RYR3: variants seen among roughly 807,000 people sequenced by gnomAD.
The protein encoded by RYR3 is ryanodine receptor 3, also known as brain ryanodine receptor-calcium release channel.
A neutral mutation model predicts 584.3 loss-of-function variants in RYR3; 207 were observed. That is an observed-to-expected ratio of 0.35 (90% confidence interval 0.32 to 0.40). RYR3 has a LOEUF of 0.40. Ranked by LOEUF, RYR3 falls within the 10% of genes least tolerant of loss-of-function variation. RYR3 has a pLI of 1.00. For missense variants in RYR3, 5,616 were observed against 6,089.2 expected (o/e 0.92, Z 2.59); for synonymous variants, 2,416 against 2,248.5 (o/e 1.07, Z -2.11).
chr15:33,397,209 A>G (rs1366890846), intron 1 of RYR3, among the ~76,000 whole-genome samples: 2 of 152,226 alleles, frequency 1.3e-5, no homozygotes, highest in East Asian at 3.9e-4. Flanking sequence ...AAGACCAGAG[A>G]CAGGAACTTT....
chr15:33,860,544 T>A, intron 100 of RYR3, 51 bp from the exon 101 acceptor site: 1 of 1,091,084 alleles, frequency 9.2e-7, no homozygotes, highest in Non-Finnish European at 1.3e-6. Flanking sequence ...ATCATTCCTC[T>A]ACCCCTGAAC....
intron 45 of RYR3, among the ~76,000 whole-genome samples, chr15:33,725,020 C>T (rs916252550): frequency 6.6e-6 from 1 of 151,984 alleles, no homozygotes; most frequent in African/African-American, 2.4e-5. Flanking sequence ...CTTTCCTGAT[C>T]ACCTCTCATC....
intron 16 of RYR3, among the ~76,000 whole-genome samples, chr15:33,591,119 G>C (rs1165800854): frequency 2.0e-5 from 3 of 152,064 alleles, no homozygotes; most frequent in Non-Finnish European, 4.4e-5. Flanking sequence ...TCCTTCAATA[G>C]CTCCTCACTT....
At chr15:33,730,225 C>T (rs1196577425) in intron 47 of RYR3, among the ~76,000 whole-genome samples, 6 of 151,778 alleles carry the variant, frequency 4.0e-5, no homozygotes, top group African/African-American at 1.2e-4. Context: ...ATGGGATCTC[C>T]CCAAGCTTCC....
At position 33,325,383 on chromosome 15, in the gene RYR3, C is replaced by T. The variant is rs1239167262; in HGVS notation, c.51+14287C>T. ...CTCATATCTAAAGATGAAGGGAAGA[C>T]ATTTTATTGACAGTTGAAGTTATTG... On this transcript the variant is annotated intron_variant, in intron 1 of 103. Transcript: ENST00000634891. Among the ~76,000 whole-genome samples, 6 of 152,312 alleles carry T rather than the reference C, an allele frequency of 3.9e-5. No individual in the cohort carries two copies. In the East Asian group the frequency reaches 1.2e-3, roughly 29 times the overall value.
chr15:33,666,932 A>G (rs1363537577), intron 36 of RYR3, among the ~76,000 whole-genome samples: 1 of 152,264 alleles, frequency 6.6e-6, no homozygotes, highest in Non-Finnish European at 1.5e-5. Flanking sequence ...TTTAGTAAAG[A>G]AATTCATTTT....
intron 43 of RYR3, among the ~76,000 whole-genome samples, chr15:33,711,189 A>T (rs1233953351): frequency 6.7e-6 from 1 of 149,194 alleles, no homozygotes; most frequent in Non-Finnish European, 1.5e-5. Context: ...TCATTTTCAC[A>T]TCTGAACATA....
intron 43 of RYR3, among the ~76,000 whole-genome samples, chr15:33,721,286 G>T (rs766461622): frequency 6.6e-6 from 1 of 152,184 alleles, no homozygotes; most frequent in Non-Finnish European, 1.5e-5. Flanking sequence ...AGTGAACGTG[G>T]AAACTGATGC....
chr15:33,435,631 C>G (rs1021440863), intron 1 of RYR3, among the ~76,000 whole-genome samples: 1 of 152,178 alleles, frequency 6.6e-6, no homozygotes, highest in Non-Finnish European at 1.5e-5. Flanking sequence ...GGTTCTTGCT[C>G]TTGCTAACTT....
intron 11 of RYR3, among the ~76,000 whole-genome samples, chr15:33,566,069 C>T (rs1352193273): frequency 1.3e-5 from 2 of 152,204 alleles, no homozygotes; most frequent in Non-Finnish European, 2.9e-5. Context: ...CCCAAGGTCA[C>T]ACGGCTGGTA....
At chr15:33,796,418 G>GC (rs1159965918) in intron 67 of RYR3, among the ~76,000 whole-genome samples, 7 of 151,934 alleles carry the variant, frequency 4.6e-5, no homozygotes, top group Admixed American at 4.6e-4. Context: ...ACAGGCGTGA[G>GC]CCACCGCGAC....
chr15:33,483,650 A>G (rs970307955), intron 2 of RYR3, among the ~76,000 whole-genome samples: 1 of 152,246 alleles, frequency 6.6e-6, no homozygotes, highest in Non-Finnish European at 1.5e-5. Context: ...GCCATTCCAG[A>G]AATAAGTAGC....
intron 58 of RYR3, among the ~76,000 whole-genome samples, chr15:33,755,392 G>C (rs371656591): frequency 6.6e-6 from 1 of 152,148 alleles, no homozygotes; most frequent in East Asian, 1.9e-4. Flanking sequence ...AGGCCGAGGC[G>C]GGCGGATCAT....
intron 64 of RYR3, among the ~76,000 whole-genome samples, chr15:33,774,237 CTGT>C (rs1417981486): frequency 6.6e-6 from 1 of 152,152 alleles, no homozygotes; most frequent in African/African-American, 2.4e-5. Flanking sequence ...GCCTTGTGTT[CTGT>C]TGTTGTTCTG....
chr15:33,813,016 G>T, intron 73 of RYR3, 22 bp downstream of exon 73: 1 of 1,613,702 alleles, frequency 6.2e-7, no homozygotes, highest in Non-Finnish European at 8.5e-7. Flanking sequence ...CTGCCCTGAG[G>T]AATGGGGAAG....
chr15:33,400,473 G>A (rs11630810), intron 1 of RYR3, among the ~76,000 whole-genome samples: 1 of 152,112 alleles, frequency 6.6e-6, no homozygotes, highest in Non-Finnish European at 1.5e-5. Flanking sequence ...TTGCATTCAC[G>A]TGCTGGGGGA....
chr15:33,837,874 G>A lies in RYR3; in HGVS notation c.11894G>A (p.Cys3965Tyr). The A allele has an allele frequency of 6.2e-7, 1 of 1,614,036 alleles. No individual in the cohort carries two copies. The highest frequency in any genetic ancestry group is 8.5e-7 in the Non-Finnish European group (1 of 1,179,908). Residue 3965 changes from cysteine (C) to tyrosine (Y), a missense_variant, in exon 89 of 104, where the codon TGT becomes TAT. Physicochemically the swap from Cys to Tyr is radical, Grantham distance 194 (BLOSUM62 -2). Transcript: ENST00000634891. ...TQSEIDFLLSCAEADENDMFN... is the reference protein window; with the variant it reads ...TQSEIDFLLSYAEADENDMFN... The stretch of plus-strand genomic sequence containing the variant: ...TCAGAGATTGACTTTCTCCTGTCGT[G>A]TGCAGAAGCTGATGAGAATGACATG...
intron 2 of RYR3, among the ~76,000 whole-genome samples, chr15:33,482,955 C>T (rs2050100769): frequency 6.6e-6 from 1 of 152,130 alleles, no homozygotes; most frequent in South Asian, 2.1e-4. Context: ...ATGACTCTAT[C>T]CATTTTTTCT....
At chr15:33,461,235 C>T (rs546450483) in intron 1 of RYR3, among the ~76,000 whole-genome samples, 9 of 152,184 alleles carry the variant, frequency 5.9e-5, no homozygotes, top group South Asian at 2.1e-4. Flanking sequence ...TGAGCCACCG[C>T]GCCCGGCCTA....
Sources: gnomAD v4.1 joint callset for allele counts (sites outside exome capture counted in the v4.1 genomes callset) on GRCh38, gnomAD v4.1.1 for gene constraint, MANE v1.5 for transcripts, NCBI Gene and HGNC (gene_info 2026-07-23, HGNC 2026-07-21) for gene names.